ARHGAP32: variants seen among roughly 807,000 people sequenced by gnomAD.
The protein encoded by ARHGAP32 is Rho GTPase activating protein 32, also known as rho GTPase-activating protein 32.
Under a neutral mutation model 186.5 loss-of-function variants are expected in ARHGAP32, and 51 were observed. That is an observed-to-expected ratio of 0.27 (90% CI 0.22 to 0.35). The LOEUF is 0.35. Ranked by LOEUF, ARHGAP32 falls within the 10% of genes least tolerant of loss-of-function variation. ARHGAP32 has a pLI of 1.00. For synonymous variants in ARHGAP32, 950 were observed against 964.3 expected (o/e 0.99, Z 0.27); for missense variants, 2,186 against 2,623.5 (o/e 0.83, Z 3.64).
At chr11:129,278,109 C>T (rs953071528) in intron 1 of ARHGAP32, among the ~76,000 whole-genome samples, 3 of 152,186 alleles carry the variant, frequency 2.0e-5, no homozygotes, top group African/African-American at 7.2e-5. Flanking sequence ...TTTACAAAAG[C>T]AACCAATGTA....
At chr11:129,151,973 T>A (rs1434269209) in intron 2 of ARHGAP32, among the ~76,000 whole-genome samples, 3 of 151,966 alleles carry the variant, frequency 2.0e-5, no homozygotes, top group Non-Finnish European at 2.9e-5. Flanking sequence ...TGATAGACCA[T>A]TAGCAAGATT....
chr11:129,259,554 A>G lies in ARHGAP32; in HGVS notation c.-5+19592T>C, dbSNP rs191993965. ...AGGTTTCACTCTCAGAATAATGCCC[A>G]ACATTTAAGCAATGTAAAAAAAAAA... On this transcript the variant is annotated intron_variant, in intron 1 of 6. Coordinates refer to the ARHGAP32 transcript ENST00000525234. Among the ~76,000 whole-genome samples, 206 of 151,822 alleles carry G rather than the reference A, an allele frequency of 1.4e-3. 1 individual carries two copies. The highest frequency in any genetic ancestry group is 2.1e-3 in the Admixed American group (32 of 15,186).
intron 5 of ARHGAP32, among the ~76,000 whole-genome samples, chr11:129,121,524 G>T (rs1942528677): frequency 6.6e-6 from 1 of 152,014 alleles, no homozygotes. Flanking sequence ...TTCTGGTGTG[G>T]ACTGGCAAGG....
intron 6 of ARHGAP32, among the ~76,000 whole-genome samples, chr11:129,086,742 A>G (rs939038246): frequency 6.7e-6 from 1 of 149,526 alleles, no homozygotes; most frequent in Admixed American, 6.7e-5. Flanking sequence ...AATGGCGTGA[A>G]CCCGGGAGGC....
chr11:129,279,048 A>T (rs1033295981), intron 1 of ARHGAP32: 1 of 146,818 alleles, frequency 6.8e-6, no homozygotes, highest in Non-Finnish European at 1.5e-5. Context: ...CACTCTAAAA[A>T]GAATATTTTA....
intron 5 of ARHGAP32, among the ~76,000 whole-genome samples, chr11:129,101,110 T>TC (rs1165034733): frequency 2.0e-5 from 3 of 151,438 alleles, no homozygotes; most frequent in African/African-American, 7.3e-5. Context: ...AGAGCGCTGG[T>TC]CCCCCCAAAA....
At chr11:129,230,809 C>G (rs78251949) in intron 1 of ARHGAP32, among the ~76,000 whole-genome samples, 14 of 151,862 alleles carry the variant, frequency 9.2e-5, no homozygotes, top group Non-Finnish European at 1.5e-4. Context: ...TAAAAAAGAG[C>G]CCAAAATTTA....
intron 2 of ARHGAP32, among the ~76,000 whole-genome samples, chr11:129,139,621 C>A (rs989941684): frequency 6.6e-6 from 1 of 152,056 alleles, no homozygotes; most frequent in African/African-American, 2.4e-5. Flanking sequence ...GTAAGTCTCA[C>A]GAGATCTGAC....
At position 128,967,333 on chromosome 11, in the gene ARHGAP32, G is replaced by A. The variant is rs1040452736; in HGVS notation, c.*1574C>T. 2.0e-5 allele frequency: 3 copies of A among 152,176 alleles called. No homozygotes were observed. In the East Asian group the frequency reaches 5.8e-4, roughly 29 times the overall value. The allele number at this position is 152,176 out of a possible 1,614,324, so 9.4% of individuals were successfully genotyped here. A position where few individuals can be genotyped will look rare whatever the true frequency, so the allele number is the denominator to read the frequency against. On this transcript the variant is annotated 3_prime_UTR_variant, in exon 23 of 23. Coordinates refer to ENST00000682385, the MANE Select transcript of ARHGAP32 (RefSeq NM_001378024.1). ...ATTAATTTCAAGTTCTAAAAAGCCA[G>A]AGCAGCAACCATCCAGTAATTGGAA...
At chr11:129,035,820 G>C (rs1939308575) in intron 11 of ARHGAP32, among the ~76,000 whole-genome samples, 1 of 151,804 alleles carries the variant, frequency 6.6e-6, no homozygotes, top group South Asian at 2.1e-4. Context: ...CTCCAGCCTG[G>C]GTGACAGAGC....
At chr11:129,142,565 G>C (rs1051167296) in intron 2 of ARHGAP32, among the ~76,000 whole-genome samples, 8 of 152,034 alleles carry the variant, frequency 5.3e-5, no homozygotes, top group Non-Finnish European at 1.0e-4. Context: ...ATCAAAATGA[G>C]TAGTTAATAA....
At chr11:129,058,613 A>C (rs934032582) in intron 10 of ARHGAP32, among the ~76,000 whole-genome samples, 2 of 152,234 alleles carry the variant, frequency 1.3e-5, no homozygotes, top group African/African-American at 4.8e-5. Flanking sequence ...GAAGGAGGCC[A>C]GCCAGGTGGG....
intron 10 of ARHGAP32, among the ~76,000 whole-genome samples, chr11:129,059,997 TC>T (rs1422413105): frequency 6.6e-6 from 1 of 152,174 alleles, no homozygotes; most frequent in Non-Finnish European, 1.5e-5. Context: ...TACAAATCAA[TC>T]TTTGAAGTTA....
intron 21 of ARHGAP32, 23 bp downstream of exon 21, chr11:128,974,101 G>T (rs867614050): frequency 6.2e-7 from 1 of 1,609,402 alleles, no homozygotes; most frequent in Admixed American, 1.7e-5. Flanking sequence ...CTTAAAGAAA[G>T]AATGGAGGAA....
chr11:129,203,591 T>TTAAG (rs1190384394), intron 1 of ARHGAP32, among the ~76,000 whole-genome samples: 1 of 151,730 alleles, frequency 6.6e-6, no homozygotes, highest in Non-Finnish European at 1.5e-5. Context: ...AGGTTGAGAA[T>TTAAG]TCTTAAACAT....
At chr11:129,159,936 T>C (rs1943494125) in intron 2 of ARHGAP32, among the ~76,000 whole-genome samples, 1 of 152,116 alleles carries the variant, frequency 6.6e-6, no homozygotes, top group Non-Finnish European at 1.5e-5. Context: ...TCAATAAGCA[T>C]AATCCATCAT....
chr11:129,115,650 A>G (rs773219515), intron 5 of ARHGAP32, among the ~76,000 whole-genome samples: 28 of 152,092 alleles, frequency 1.8e-4, no homozygotes, highest in Non-Finnish European at 3.5e-4. Flanking sequence ...TGCTTCATAC[A>G]TATTTTCACA....
At position 129,094,616 on chromosome 11, in the gene ARHGAP32, A is replaced by G. The variant is rs191229900; in HGVS notation, c.445-909T>C. On this transcript the variant is annotated intron_variant, in intron 5 of 22. Coordinates refer to ENST00000682385, the MANE Select transcript of ARHGAP32 (RefSeq NM_001378024.1). ...AAATGAGGTGTATATTCCCCAAGAA[A>G]GTTTGTCACAGAACTGACTACCCTG... Among the ~76,000 whole-genome samples, 218 of 152,332 alleles carry G rather than the reference A, an allele frequency of 1.4e-3. 2 individuals are homozygous for G. Among genetic ancestry groups the G allele is most frequent in the Admixed American group, 0.013 (194 of 15,306 alleles).
chr11:129,076,621 T>C (rs1193587247), intron 6 of ARHGAP32, among the ~76,000 whole-genome samples: 1 of 152,164 alleles, frequency 6.6e-6, no homozygotes, highest in Non-Finnish European at 1.5e-5. Context: ...CTAAATATTT[T>C]GAACCAAATA....
Sources: allele counts gnomAD v4.1 joint callset (sites outside exome capture counted in the v4.1 genomes callset), GRCh38; gene constraint gnomAD v4.1.1; transcripts MANE v1.5; gene names NCBI Gene and HGNC (gene_info 2026-07-23, HGNC 2026-07-21).